The following COL13A1 variants were observed in gnomAD, a reference collection of about 807,000 sequenced individuals.
COL13A1 encodes the protein collagen alpha-1(XIII) chain.
Under a neutral mutation model 130.9 loss-of-function variants are expected in COL13A1, and 89 were observed. The observed-to-expected ratio is 0.68, with a 90% CI of 0.57 to 0.81. The LOEUF (loss-of-function observed/expected upper bound fraction) is 0.81, where lower values mean the gene tolerates loss of function less well. Ranked by LOEUF, COL13A1 falls within the 30% of genes least tolerant of loss-of-function variation. The pLI is 0.00. For missense variants in COL13A1, 879 were observed against 934.6 expected (o/e 0.94, Z 0.78); for synonymous variants, 402 against 341.6 (o/e 1.18, Z -1.95).
Position 69,925,014 on chromosome 10 carries a change from G to C in COL13A1, c.1329+7G>C, listed in dbSNP as rs1433361680. Reference sequence around the variant, plus strand: ...GGGACCAGATGGCCCCAAGGTATGTGCCTCTCCCTCCTGGAGTCACAGCGT... The same window carrying C: ...GGGACCAGATGGCCCCAAGGTATGTCCCTCTCCCTCCTGGAGTCACAGCGT... On this transcript the variant is annotated splice_region_variant and intron_variant, in intron 25 of 40. Transcript: ENST00000645393. 2 of 1,577,012 alleles carry C rather than the reference G, an allele frequency of 1.3e-6. No homozygotes were observed. The highest frequency in any genetic ancestry group is 3.7e-5 in the Admixed American group (2 of 53,962).
chr10:69,820,828 G>T (rs1348706912), intron 1 of COL13A1, among the ~76,000 whole-genome samples: 2 of 152,092 alleles, frequency 1.3e-5, no homozygotes, highest in Non-Finnish European at 2.9e-5. Context: ...AGCGGGCTTT[G>T]TGCCAGGAGG....
chr10:69,873,059 T>C (rs1399858609), intron 4 of COL13A1, among the ~76,000 whole-genome samples: 1 of 152,106 alleles, frequency 6.6e-6, no homozygotes, highest in African/African-American at 2.4e-5. Flanking sequence ...CCATGGGCCC[T>C]CAGATGTGGA....
At chr10:69,833,412 T>G (rs1418789127) in intron 2 of COL13A1, among the ~76,000 whole-genome samples, 1 of 152,182 alleles carries the variant, frequency 6.6e-6, no homozygotes, top group Non-Finnish European at 1.5e-5. Context: ...AGGATGAACA[T>G]GAACTACATC....
intron 16 of COL13A1, 96 bp downstream of exon 16, chr10:69,905,055 AGAGG>A: frequency 7.3e-7 from 1 of 1,377,094 alleles, no homozygotes; most frequent in Non-Finnish European, 1.0e-6. Flanking sequence ...GCAGGAGCAG[AGAGG>A]GATCTCAGCT....
rs558982054 is a variant in COL13A1, at chr10:69,916,394, C to T, written c.922-895C>T. On this transcript the variant is annotated intron_variant, in intron 17 of 40. Transcript: ENST00000645393. ...CCATCCCGGGCCCCAGCTGGGGCTT[C>T]GTGCTCAGGCACTGCATAGGATTCA... is the stretch of plus-strand genomic sequence containing the variant. 5.8e-4 allele frequency among the ~76,000 whole-genome samples: 88 copies of T among 152,276 alleles called. 1 individual carries two copies. The highest frequency in any genetic ancestry group is 1.0e-4 in the Non-Finnish European group (7 of 68,020).
At chr10:69,805,959 G>A (rs1226091715) in intron 1 of COL13A1, among the ~76,000 whole-genome samples, 1 of 152,266 alleles carries the variant, frequency 6.6e-6, no homozygotes, top group African/African-American at 2.4e-5. Flanking sequence ...TGAGTTTGGA[G>A]GCCAAGACCA....
chr10:69,806,680 T>G (rs572383556), intron 1 of COL13A1, among the ~76,000 whole-genome samples: 1 of 152,206 alleles, frequency 6.6e-6, no homozygotes. Context: ...GGCAGCCGTG[T>G]GCAGTGAATG....
Position 69,887,501 on chromosome 10 carries a change from G to C in COL13A1, c.549+10G>C, listed in dbSNP as rs1221071643. 1 of 1,613,524 alleles carries C rather than the reference G, an allele frequency of 6.2e-7. No individual in the cohort carries two copies. Among genetic ancestry groups the C allele is most frequent in the Non-Finnish European group, 8.5e-7 (1 of 1,179,778 alleles). ...TTTCCCTGGATTTCCGGTAAGTGGA[G>C]AAGGCTGAAGTTAGCTGTGTCCCAG... On this transcript the variant is annotated intron_variant, in intron 8 of 40. Coordinates refer to ENST00000645393, the MANE Select transcript of COL13A1 (RefSeq NM_001368882.1).
intron 2 of COL13A1, 109 bp from the exon 3 acceptor site, chr10:69,867,689 G>C (rs2058658678): frequency 1.5e-6 from 1 of 682,800 alleles, no homozygotes. Context: ...TCGAAGACCA[G>C]ATGGAAACCC....
chr10:69,877,750 C>A (rs1486067131), intron 5 of COL13A1: 4 of 351,604 alleles, frequency 1.1e-5, no homozygotes, highest in East Asian at 6.3e-5. Context: ...CACACACGTA[C>A]GTGCCTCAAG....
intron 1 of COL13A1, among the ~76,000 whole-genome samples, chr10:69,808,045 T>C (rs1199989198): frequency 6.6e-6 from 1 of 152,142 alleles, no homozygotes; most frequent in Non-Finnish European, 1.5e-5. Context: ...TAACTCTAGA[T>C]TTTGTTTTTT....
At chr10:69,897,477 G>A (rs755510617) in intron 13 of COL13A1, 1 of 1,613,920 alleles carries the variant, frequency 6.2e-7, no homozygotes, top group South Asian at 1.1e-5. Flanking sequence ...CAAACTAGGA[G>A]TGCCTAAGCA....
At chr10:69,858,828 A>G (rs1326816807) in intron 2 of COL13A1, among the ~76,000 whole-genome samples, 1 of 152,196 alleles carries the variant, frequency 6.6e-6, no homozygotes, top group Non-Finnish European at 1.5e-5. Flanking sequence ...ATAAATGTAA[A>G]GGTTAAGAAA....
intron 5 of COL13A1, chr10:69,877,628 A>G (rs1318898095): frequency 1.7e-5 from 2 of 120,930 alleles, no homozygotes; most frequent in Admixed American, 8.6e-5. Context: ...TCTTTTCTCT[A>G]TCTCTGTCTC....
At chr10:69,904,886 T>C in intron 15 of COL13A1, 47 bp from the exon 16 acceptor site, 2 of 1,536,874 alleles carry the variant, frequency 1.3e-6, no homozygotes, top group Non-Finnish European at 1.7e-6. Flanking sequence ...CAACCAGCTC[T>C]ACTCACCTTT....
At chr10:69,930,132 G>T (rs748868732) in intron 29 of COL13A1, 45 bp downstream of exon 29, 3 of 1,599,420 alleles carry the variant, frequency 1.9e-6, no homozygotes, top group Non-Finnish European at 2.6e-6. Context: ...GACAGTCTTG[G>T]CCCTGGGGGC....
chr10:69,831,073 A>G (rs907607050), intron 2 of COL13A1, among the ~76,000 whole-genome samples: 8 of 152,232 alleles, frequency 5.3e-5, no homozygotes, highest in Admixed American at 3.9e-4. Flanking sequence ...TGTCTGAAAT[A>G]TTTCAAGATA....
intron 2 of COL13A1, among the ~76,000 whole-genome samples, chr10:69,855,675 T>C (rs2683559): frequency 1 from 151,775 of 152,254 alleles, 75,651 homozygotes; most frequent in Middle Eastern, 1. Flanking sequence ...CCTGCTTTAC[T>C]TCCGGGCCTG....
rs1470072326 is a variant in COL13A1, at chr10:69,902,827, C to A, written c.830C>A (p.Pro277Gln). 6.5e-7 allele frequency: 1 copy of A among 1,545,264 alleles called. No individual in the cohort carries two copies. Among genetic ancestry groups the A allele is most frequent in the Non-Finnish European group, 8.7e-7 (1 of 1,143,482 alleles). Residue 277 changes from proline (P) to glutamine (Q), a missense_variant, in exon 15 of 41, where the codon CCA becomes CAA. Physicochemically the swap from Pro to Gln is moderately conservative, Grantham distance 76. Around this residue, in one of 3 missense-constraint regions of COL13A1, gnomAD observed 715 missense variants for 721.0 expected, o/e 0.99. Transcript: ENST00000645393. ...PPGPSGPLGHPGLPGPMGPPG... is the reference protein window; with the variant it reads ...PPGPSGPLGHQGLPGPMGPPG... The stretch of plus-strand genomic sequence containing the variant: ...GGACCAAGTGGACCTCTGGGGCACC[C>A]AGGACTGCCAGGGCCTATGGGGCCA...
Sources: allele counts gnomAD v4.1 joint callset (sites outside exome capture counted in the v4.1 genomes callset), GRCh38; gene constraint gnomAD v4.1.1; regional missense constraint gnomAD v4.1.1; transcripts MANE v1.5; gene names NCBI Gene and HGNC (gene_info 2026-07-23, HGNC 2026-07-21).